Variants in GPHN observed in about 807,000 individuals in gnomAD.
GPHN encodes gephyrin.
In GPHN, 17 loss-of-function variants were observed where a neutral mutation model predicts 95.5. That is an observed-to-expected ratio of 0.18 (90% CI 0.12 to 0.27). The LOEUF (loss-of-function observed/expected upper bound fraction) is 0.27, where lower values mean the gene tolerates loss of function less well. Ranked by LOEUF, GPHN falls within the 10% of genes least tolerant of loss-of-function variation. The pLI is 1.00. For missense variants in GPHN, 660 were observed against 978.1 expected (o/e 0.67, Z 4.34); for synonymous variants, 320 against 322.5 (o/e 0.99, Z 0.08).
At chr14:66,936,821 C>T (rs2067155279) in intron 8 of GPHN, among the ~76,000 whole-genome samples, 1 of 152,172 alleles carries the variant, frequency 6.6e-6, no homozygotes. Flanking sequence ...GATATACAGG[C>T]CAATGAGTAG....
At chr14:66,625,298 C>A (rs562848706) in intron 1 of GPHN, among the ~76,000 whole-genome samples, 2 of 152,274 alleles carry the variant, frequency 1.3e-5, no homozygotes, top group South Asian at 2.1e-4. Context: ...GTCTCGAACT[C>A]CTGGGCTCAA....
At chr14:67,466,650 G>C in the GPHN span, among the ~76,000 whole-genome samples, 1 of 152,184 alleles carries the variant, frequency 6.6e-6, no homozygotes, top group Non-Finnish European at 1.5e-5. Context: ...ACTGTACCCA[G>C]CTAGGCACCT....
the GPHN span, among the ~76,000 whole-genome samples, chr14:67,661,715 A>G: frequency 9.5e-5 from 14 of 147,848 alleles, no homozygotes; most frequent in Non-Finnish European, 1.8e-4. Flanking sequence ...TTTGTTTGGT[A>G]GAGATGGGGG....
the GPHN span, among the ~76,000 whole-genome samples, chr14:67,553,862 C>CA: frequency 6.6e-6 from 1 of 152,192 alleles, no homozygotes; most frequent in Non-Finnish European, 1.5e-5. Context: ...AGAACCAACC[C>CA]ACCCACTCAG....
At chr14:67,207,193 A>G in the GPHN span, among the ~76,000 whole-genome samples, 1 of 152,106 alleles carries the variant, frequency 6.6e-6, no homozygotes, top group Non-Finnish European at 1.5e-5. Context: ...GGCAATTAAT[A>G]AAGAAAAGAG....
intron 3 of GPHN, among the ~76,000 whole-genome samples, chr14:66,796,594 A>G (rs891044988): frequency 2.0e-5 from 3 of 152,198 alleles, no homozygotes; most frequent in African/African-American, 7.2e-5. Flanking sequence ...CATTTCTCTG[A>G]TGGTTAATTA....
chr14:67,383,402 G>T, the GPHN span: 1 of 1,613,678 alleles, frequency 6.2e-7, no homozygotes, highest in Non-Finnish European at 8.5e-7. Context: ...GGATGGAGAT[G>T]ATGATGCAGA....
chr14:67,296,366 C>G, the GPHN span, among the ~76,000 whole-genome samples: 1 of 151,856 alleles, frequency 6.6e-6, no homozygotes, highest in African/African-American at 2.4e-5. Context: ...TTTGGGAGGC[C>G]AAGGTGGGCA....
intron 1 of GPHN, among the ~76,000 whole-genome samples, chr14:66,610,189 T>C (rs2062719503): frequency 6.6e-6 from 1 of 152,128 alleles, no homozygotes; most frequent in Non-Finnish European, 1.5e-5. Context: ...ACAGATGATG[T>C]ATATTGGCAG....
intron 4 of GPHN, among the ~76,000 whole-genome samples, chr14:66,878,734 G>A (rs972731962): frequency 1.3e-5 from 2 of 152,162 alleles, no homozygotes; most frequent in African/African-American, 2.4e-5. Flanking sequence ...GGATAGGGAT[G>A]TGGAAAAATA....
At chr14:67,585,697 C>T in the GPHN span, 1 of 1,364,914 alleles carries the variant, frequency 7.3e-7, no homozygotes, top group Non-Finnish European at 1.0e-6. Context: ...TCCTCTTCCT[C>T]AACATGGTCT....
At chr14:67,225,074 A>T in the GPHN span, 8 of 1,499,824 alleles carry the variant, frequency 5.3e-6, no homozygotes, top group East Asian at 2.5e-5. Flanking sequence ...CTCTCTATTG[A>T]TCTCTCCTTT....
At chr14:66,566,555 A>T in intron 1 of GPHN, among the ~76,000 whole-genome samples, 1 of 152,140 alleles carries the variant, frequency 6.6e-6, no homozygotes, top group Non-Finnish European at 1.5e-5. Context: ...CACCATGTTG[A>T]CTTACTGTAA....
the GPHN span, among the ~76,000 whole-genome samples, chr14:67,371,650 A>G: frequency 2.0e-5 from 3 of 152,312 alleles, no homozygotes; most frequent in Admixed American, 2.0e-4. Flanking sequence ...TTGTAACACA[A>G]TGGTAAATAT....
chr14:66,753,128 G>C (rs867078425), intron 2 of GPHN, among the ~76,000 whole-genome samples: 9 of 152,004 alleles, frequency 5.9e-5, no homozygotes, highest in Admixed American at 1.3e-4. Flanking sequence ...TAATTTTTTA[G>C]GAACCCACTG....
chr14:67,452,371 T>A, the GPHN span, among the ~76,000 whole-genome samples: 1 of 152,112 alleles, frequency 6.6e-6, no homozygotes, highest in Non-Finnish European at 1.5e-5. Context: ...TACAAGGTTT[T>A]TTTTTGCTTG....
the GPHN span, among the ~76,000 whole-genome samples, chr14:67,564,222 C>G: frequency 1.5e-4 from 23 of 151,886 alleles, no homozygotes; most frequent in African/African-American, 5.6e-4. Flanking sequence ...AGGCTAGTCT[C>G]AAAGTCCTGA....
intron 2 of GPHN, among the ~76,000 whole-genome samples, chr14:66,702,200 C>T (rs1396768646): frequency 1.3e-5 from 2 of 152,236 alleles, no homozygotes; most frequent in African/African-American, 2.4e-5. Context: ...GACCAGCAGA[C>T]TTTGCCTTTC....
chr14:67,458,135 C>T, the GPHN span, among the ~76,000 whole-genome samples: 2 of 152,288 alleles, frequency 1.3e-5, no homozygotes, highest in South Asian at 4.1e-4. Context: ...CTCGCTCACC[C>T]GTCCCAGGCT....
Sources: gnomAD v4.1 joint callset for allele counts (sites outside exome capture counted in the v4.1 genomes callset) on GRCh38, gnomAD v4.1.1 for gene constraint, MANE v1.5 for transcripts, NCBI Gene and HGNC (gene_info 2026-07-23, HGNC 2026-07-21) for gene names.